Variants in ERBIN observed in about 807,000 individuals in gnomAD.
ERBIN encodes densin-180-like protein.
In ERBIN, 60 loss-of-function variants were observed where a neutral mutation model predicts 158.4. That is an observed-to-expected ratio of 0.38 (90% CI 0.31 to 0.47). The LOEUF (loss-of-function observed/expected upper bound fraction) is 0.47, where lower values mean the gene tolerates loss of function less well. ERBIN is among the 20% of genes least tolerant of loss of function. The pLI, the probability that ERBIN is intolerant of heterozygous loss-of-function variation, is 0.99. For synonymous variants in ERBIN, 594 were observed against 557.2 expected (o/e 1.07, Z -0.93); for missense variants, 1,610 against 1,648.0 (o/e 0.98, Z 0.40).
At chr5:66,049,397 T>C (rs7737289) in intron 19 of ERBIN, among the ~76,000 whole-genome samples, 1,823 of 152,170 alleles carry the variant, frequency 0.012, 38 homozygotes, top group African/African-American at 0.042. Context: ...ATGATACTTA[T>C]TATCAAGGTG....
chr5:66,026,497 A>T lies in ERBIN; in HGVS notation c.1136+80A>T, dbSNP rs557141761. 35 of 648,100 alleles carry T rather than the reference A, an allele frequency of 5.4e-5. No individual in the cohort carries two copies. In the South Asian group the frequency reaches 9.8e-4, roughly 18 times the overall value. 40.1% of individuals were successfully genotyped at this position (648,100 alleles called of 1,614,324 possible). A position where few individuals can be genotyped will look rare whatever the true frequency, so the allele number is the denominator to read the frequency against. ...TTAAGTTTCATATGATATATAATAGAATAGCTAGTGCTTGTTGCTCTTTAA... is the reference window on the plus strand; with the variant it reads ...TTAAGTTTCATATGATATATAATAGTATAGCTAGTGCTTGTTGCTCTTTAA... On this transcript the variant is annotated intron_variant, in intron 13 of 25. Coordinates refer to ENST00000284037, the MANE Select transcript of ERBIN (RefSeq NM_001253697.2).
intron 15 of ERBIN, among the ~76,000 whole-genome samples, chr5:66,041,246 G>A (rs1757891826): frequency 1.3e-5 from 2 of 152,098 alleles, no homozygotes. Flanking sequence ...TGAGTGATTT[G>A]GAAGAACAGG....
At chr5:66,014,276 C>A (rs557859409) in intron 6 of ERBIN, among the ~76,000 whole-genome samples, 1 of 152,222 alleles carries the variant, frequency 6.6e-6, no homozygotes, top group East Asian at 1.9e-4. Flanking sequence ...CAATGAAGTG[C>A]CAGAGGATTT....
intron 1 of ERBIN, among the ~76,000 whole-genome samples, chr5:65,928,515 C>A (rs530916322): frequency 6.6e-6 from 1 of 152,066 alleles, no homozygotes; most frequent in South Asian, 2.1e-4. Context: ...AGAATTATCG[C>A]TTTATGAAGA....
chr5:66,076,248 A>G, intron 23 of ERBIN, 68 bp from the exon 24 acceptor site: 1 of 1,163,144 alleles, frequency 8.6e-7, no homozygotes, highest in Non-Finnish European at 1.3e-6. Flanking sequence ...CAGTATTTAA[A>G]TATGGATGTT....
At chr5:65,931,728 G>T (rs1743410278) in intron 1 of ERBIN, among the ~76,000 whole-genome samples, 2 of 151,726 alleles carry the variant, frequency 1.3e-5, no homozygotes. Context: ...ATCTGTTACA[G>T]TATGTTCTTT....
chr5:66,078,052 T>TA (rs754936653), intron 25 of ERBIN, among the ~76,000 whole-genome samples: 1 of 152,292 alleles, frequency 6.6e-6, no homozygotes, highest in East Asian at 1.9e-4. Flanking sequence ...TTGTAAGAAA[T>TA]ATGGTGGTCT....
chr5:65,973,202 G>C (rs933406099), intron 1 of ERBIN, among the ~76,000 whole-genome samples: 10 of 150,568 alleles, frequency 6.6e-5, no homozygotes, highest in African/African-American at 1.0e-4. Flanking sequence ...GAATTGAACA[G>C]TGAGAACACT....
At chr5:66,014,031 G>T (rs757028932) in intron 6 of ERBIN, among the ~76,000 whole-genome samples, 3 of 152,064 alleles carry the variant, frequency 2.0e-5, no homozygotes, top group Non-Finnish European at 1.5e-5. Flanking sequence ...TCATCTCCCT[G>T]CCACCCTCAA....
intron 25 of ERBIN, among the ~76,000 whole-genome samples, chr5:66,077,793 CATACACACACACACACAG>C (rs1192721696): frequency 3.0e-4 from 37 of 124,458 alleles, no homozygotes; most frequent in African/African-American, 1.3e-3. Flanking sequence ...CACACACACA[CATACACACACACACACAG>C]TCACACTCAC....
intron 10 of ERBIN, among the ~76,000 whole-genome samples, chr5:66,025,145 A>G (rs1479844822): frequency 6.6e-6 from 1 of 152,086 alleles, no homozygotes; most frequent in Non-Finnish European, 1.5e-5. Context: ...TAATTTAACA[A>G]GTTTGTATTG....
chr5:66,031,198 G>A (rs544802765), intron 14 of ERBIN, among the ~76,000 whole-genome samples: 1 of 152,138 alleles, frequency 6.6e-6, no homozygotes, highest in African/African-American at 2.4e-5. Context: ...AAAGTAAATT[G>A]TTCTACTATT....
intron 17 of ERBIN, among the ~76,000 whole-genome samples, chr5:66,045,481 T>A (rs114797994): frequency 0.018 from 2,631 of 148,580 alleles, 79 homozygotes; most frequent in African/African-American, 0.066. Flanking sequence ...TATGTAATAT[T>A]ACATATAGCC....
chr5:66,048,676 G>A lies in ERBIN; in HGVS notation c.1798G>A (p.Glu600Lys), dbSNP rs1758706690. 3.1e-6 allele frequency: 5 copies of A among 1,603,200 alleles called. No individual in the cohort carries two copies. Among genetic ancestry groups the A allele is most frequent in the African/African-American group, 1.3e-5 (1 of 74,398 alleles). The change falls in exon 19 of 26, where the codon GAA becomes AAA. Residue 600 changes from glutamate to lysine, a missense_variant. Glu to Lys is a moderately conservative substitution (Grantham distance 56, BLOSUM62 1). Around this residue, in one of 2 missense-constraint regions of ERBIN, gnomAD observed 596 missense variants for 711.9 expected, o/e 0.84. Coordinates refer to ENST00000284037, the MANE Select transcript of ERBIN (RefSeq NM_001253697.2). ...NHDDVFEESEELSSDEEMKMA... is the reference protein window; with the variant it reads ...NHDDVFEESEKLSSDEEMKMA... ...ACCCCCTTTTCACTAGGAATCTGAA[G>A]AACTTTCTTCTGATGAAGAGATGAA...
At chr5:66,032,550 T>G (rs1167106261) in intron 14 of ERBIN, among the ~76,000 whole-genome samples, 1 of 152,192 alleles carries the variant, frequency 6.6e-6, no homozygotes. Flanking sequence ...AGAAGTGATT[T>G]TTATGATAGA....
At chr5:66,078,383 C>T (rs943335425) in intron 25 of ERBIN, 40 bp from the exon 26 acceptor site, 8 of 1,239,396 alleles carry the variant, frequency 6.5e-6, no homozygotes, top group African/African-American at 1.6e-5. Flanking sequence ...AAATAAATAA[C>T]TATAAAATGT....
chr5:65,984,082 G>A (rs1750946022), intron 1 of ERBIN, among the ~76,000 whole-genome samples: 1 of 150,492 alleles, frequency 6.6e-6, no homozygotes, highest in African/African-American at 2.5e-5. Context: ...CTGGGAAATA[G>A]TGGACCAGAT....
intron 21 of ERBIN, chr5:66,068,759 G>A (rs919770500): frequency 1.5e-5 from 13 of 849,724 alleles, no homozygotes; most frequent in African/African-American, 5.1e-5. Flanking sequence ...GAAAATTAGT[G>A]TTGCATGATA....
chr5:65,948,044 T>C (rs1314054484), intron 1 of ERBIN, among the ~76,000 whole-genome samples: 3 of 151,800 alleles, frequency 2.0e-5, no homozygotes, highest in Admixed American at 2.0e-4. Flanking sequence ...TAATTTCTAA[T>C]GTGCACATTG....
Sources: allele counts gnomAD v4.1 joint callset (sites outside exome capture counted in the v4.1 genomes callset), GRCh38; gene constraint gnomAD v4.1.1; regional missense constraint gnomAD v4.1.1; transcripts MANE v1.5; gene names NCBI Gene and HGNC (gene_info 2026-07-23, HGNC 2026-07-21).